Variants in MATN2 observed in about 807,000 individuals in gnomAD.
The protein encoded by MATN2 is matrilin-2.
MATN2 carries 69 observed loss-of-function variants against 103.2 expected under a neutral mutation model. The observed-to-expected ratio is 0.67, with a 90% CI of 0.55 to 0.82. The LOEUF is 0.82. Among genes scored for constraint, MATN2 ranks in the 40% least tolerant of loss-of-function variants. The pLI, the probability that MATN2 is intolerant of heterozygous loss-of-function variation, is 0.00. For synonymous variants in MATN2, 429 were observed against 450.2 expected (o/e 0.95, Z 0.60); for missense variants, 1,023 against 1,211.5 (o/e 0.84, Z 2.31).
At chr8:97,940,754 A>G (rs981183891) in intron 3 of MATN2, among the ~76,000 whole-genome samples, 8 of 152,364 alleles carry the variant, frequency 5.3e-5, no homozygotes, top group Admixed American at 1.3e-4. Context: ...AATACAATCA[A>G]GTTACATTGA....
intron 12 of MATN2, among the ~76,000 whole-genome samples, chr8:98,019,681 A>G (rs1334176469): frequency 6.6e-6 from 1 of 152,214 alleles, no homozygotes; most frequent in Non-Finnish European, 1.5e-5. Context: ...GAGAGTACAG[A>G]GCAGGGATTT....
At chr8:97,930,328 T>C (rs1370895683) in intron 2 of MATN2, among the ~76,000 whole-genome samples, 1 of 152,254 alleles carries the variant, frequency 6.6e-6, no homozygotes, top group African/African-American at 2.4e-5. Context: ...CAGCCAAGCT[T>C]ATGTGTCATG....
At position 97,900,922 on chromosome 8, in the gene MATN2, G is replaced by C. The variant is rs567315284; in HGVS notation, c.142+12680G>C. Among the ~76,000 whole-genome samples the C allele has an allele frequency of 2.0e-5, 3 of 152,168 alleles. No homozygotes were observed. In the East Asian group the frequency reaches 5.8e-4, roughly 30 times the overall value. ...TGCACTCCAGCCTGGGCAACAGAGC[G>C]AGACTCTGTCCCCGCCCCCCCAAAA... is the stretch of plus-strand genomic sequence containing the variant. On this transcript the variant is annotated intron_variant, in intron 2 of 18. Transcript: ENST00000254898.
intron 17 of MATN2, 136 bp downstream of exon 17, chr8:98,033,312 T>A: frequency 1.1e-6 from 1 of 884,322 alleles, no homozygotes; most frequent in Non-Finnish European, 1.6e-6. Context: ...AGAATTTAAG[T>A]AAAATGAGAA....
intron 2 of MATN2, among the ~76,000 whole-genome samples, chr8:97,913,314 A>AT (rs5893435): frequency 0.061 from 8,359 of 137,022 alleles, 283 homozygotes; most frequent in Admixed American, 0.084. Context: ...ACAGCAATCG[A>AT]TTTTTTTTTT....
chr8:97,988,189 T>TATATATATATATATATACACAC (rs71570279), intron 6 of MATN2, among the ~76,000 whole-genome samples: 2 of 54,966 alleles, frequency 3.6e-5, no homozygotes, highest in African/African-American at 1.6e-4. Flanking sequence ...TATATATATA[T>TATATATATATATATATACACAC]ACACACACAC....
At chr8:97,874,298 G>A (rs192227496) in intron 1 of MATN2, among the ~76,000 whole-genome samples, 14 of 152,216 alleles carry the variant, frequency 9.2e-5, no homozygotes, top group African/African-American at 3.4e-4. Context: ...GAGGCTGCAC[G>A]CATTGCTCGG....
intron 2 of MATN2, among the ~76,000 whole-genome samples, chr8:97,929,413 G>C (rs1369701580): frequency 1.3e-5 from 2 of 152,174 alleles, no homozygotes; most frequent in Non-Finnish European, 2.9e-5. Flanking sequence ...TCCGGGAAGG[G>C]AGTAGAGAAT....
intron 18 of MATN2, 57 bp from the exon 19 acceptor site, chr8:98,035,600 A>G: frequency 9.3e-7 from 1 of 1,074,784 alleles, no homozygotes; most frequent in Non-Finnish European, 1.4e-6. Flanking sequence ...AAATCAAGTT[A>G]TATTTAAATG....
chr8:97,973,886 G>A (rs933045133), intron 5 of MATN2, among the ~76,000 whole-genome samples: 8 of 152,020 alleles, frequency 5.3e-5, no homozygotes, highest in African/African-American at 1.9e-4. Context: ...ATAATGTGTT[G>A]TCTATGATTT....
At chr8:97,943,343 C>T (rs1479348820) in intron 4 of MATN2, among the ~76,000 whole-genome samples, 1 of 151,998 alleles carries the variant, frequency 6.6e-6, no homozygotes, top group African/African-American at 2.4e-5. Flanking sequence ...TTCTCTGTCC[C>T]ATCTCAGCTT....
At chr8:97,955,555 C>G (rs1003703664) in intron 4 of MATN2, among the ~76,000 whole-genome samples, 4 of 152,190 alleles carry the variant, frequency 2.6e-5, no homozygotes, top group African/African-American at 9.7e-5. Context: ...CCCATTTCTG[C>G]CCAGTGACAT....
intron 2 of MATN2, among the ~76,000 whole-genome samples, chr8:97,901,312 G>T (rs1479397075): frequency 6.6e-6 from 1 of 151,986 alleles, no homozygotes; most frequent in Non-Finnish European, 1.5e-5. Context: ...GAGTGCAGTG[G>T]TGTGTTCTGG....
chr8:98,031,970 T>A (rs1389393888), intron 15 of MATN2: 1 of 246,882 alleles, frequency 4.1e-6, no homozygotes, highest in Admixed American at 5.5e-5. Flanking sequence ...TTCACCTTTT[T>A]TTTCTGCCCT....
intron 3 of MATN2, among the ~76,000 whole-genome samples, chr8:97,936,306 C>T (rs1159655503): frequency 6.6e-6 from 1 of 152,168 alleles, no homozygotes; most frequent in Non-Finnish European, 1.5e-5. Flanking sequence ...TTATCAGCCT[C>T]ATCTGGTATT....
chr8:98,013,833 G>A (rs1335511051), intron 10 of MATN2, among the ~76,000 whole-genome samples: 1 of 152,214 alleles, frequency 6.6e-6, no homozygotes, highest in Non-Finnish European at 1.5e-5. Context: ...TGCAGATAAG[G>A]TGTGGTGGCT....
chr8:97,941,796 C>A lies in MATN2; in HGVS notation c.732C>A (p.Thr244=). 6.2e-7 allele frequency: 1 copy of A among 1,604,228 alleles called. No homozygotes were observed. The highest frequency in any genetic ancestry group is 8.5e-7 in the Non-Finnish European group (1 of 1,175,434). The part of the protein sequence containing the change: ...KKLCTAHMCS[T]LEHNCAHFCI... The stretch of plus-strand genomic sequence containing the variant: ...TTTCAGCGGCCCATATGTGCAGCAC[C>A]CTGGAGCATAACTGTGCCCACTTCT... Residue 244 remains threonine, a synonymous_variant, in exon 4 of 19, where the codon ACC becomes ACA. Coordinates refer to ENST00000254898, the MANE Select transcript of MATN2 (RefSeq NM_002380.5).
At position 97,888,243 on chromosome 8, in the gene MATN2, G is replaced by C. The variant is rs763985941; in HGVS notation, c.142+1G>C. 1.9e-6 allele frequency: 3 copies of C among 1,546,200 alleles called. No individual in the cohort carries two copies. The highest frequency in any genetic ancestry group is 2.8e-5 in the African/African-American group (2 of 72,708). On this transcript the variant is annotated splice_donor_variant, in intron 2 of 18. Coordinates refer to ENST00000254898, the MANE Select transcript of MATN2 (RefSeq NM_002380.5). LOFTEE classifies it high-confidence loss of function. ...ACCCACCCGCAGACGGCCCTTCTGG[G>C]TGAGTGGTGGTGCTCACCCCCAAAA... is the stretch of plus-strand genomic sequence containing the variant.
chr8:97,925,102 G>A (rs1325580017), intron 2 of MATN2, among the ~76,000 whole-genome samples: 1 of 152,072 alleles, frequency 6.6e-6, no homozygotes, highest in Non-Finnish European at 1.5e-5. Context: ...GCCACGTGGT[G>A]GAAGATTTAT....
Sources: gnomAD v4.1 joint callset for allele counts (sites outside exome capture counted in the v4.1 genomes callset) on GRCh38, gnomAD v4.1.1 for gene constraint, MANE v1.5 for transcripts, NCBI Gene and HGNC (gene_info 2026-07-23, HGNC 2026-07-21) for gene names.